ZEB2: variants seen among roughly 807,000 people sequenced by gnomAD.
ZEB2 encodes zinc finger E-box-binding homeobox 2.
In ZEB2, 6 loss-of-function variants were observed where a neutral mutation model predicts 99.9. The ratio of observed to expected loss-of-function variants is 0.06; its 90% confidence interval spans 0.03 to 0.12. The LOEUF (loss-of-function observed/expected upper bound fraction) is 0.12. Among genes scored for constraint, ZEB2 ranks in the 10% least tolerant of loss-of-function variants. ZEB2 has a pLI of 1.00. For synonymous variants in ZEB2, 517 were observed against 542.5 expected (o/e 0.95, Z 0.65); for missense variants, 969 against 1,502.8 (o/e 0.64, Z 5.87).
At chr2:144,465,817 A>G (rs1704263289) in intron 2 of ZEB2, among the ~76,000 whole-genome samples, 1 of 152,232 alleles carries the variant, frequency 6.6e-6, no homozygotes, top group Admixed American at 6.5e-5. Flanking sequence ...TTTAAAAATT[A>G]GTCAAAGTTT....
chr2:144,513,025 G>T (rs6740731), intron 2 of ZEB2: 5 of 1,286,940 alleles, frequency 3.9e-6, no homozygotes, highest in African/African-American at 1.5e-5. Context: ...ACAGTGATCC[G>T]AAGGAAACTT....
chr2:144,416,189 A>T (rs1347901849), intron 4 of ZEB2, among the ~76,000 whole-genome samples: 1 of 152,158 alleles, frequency 6.6e-6, no homozygotes, highest in Admixed American at 6.5e-5. Context: ...TCAGGCCCTG[A>T]AAAGTTTCCT....
intron 2 of ZEB2, among the ~76,000 whole-genome samples, chr2:144,498,558 GA>G (rs765826519): frequency 2.0e-5 from 3 of 152,184 alleles, no homozygotes; most frequent in Non-Finnish European, 4.4e-5. Context: ...AAGAGCTGGT[GA>G]AAGGAGAGGG....
At chr2:144,411,594 C>G (rs1703465675) in intron 4 of ZEB2, among the ~76,000 whole-genome samples, 1 of 152,200 alleles carries the variant, frequency 6.6e-6, no homozygotes, top group African/African-American at 2.4e-5. Context: ...ACATGGGCGG[C>G]CTCGCAGAGC....
At chr2:144,498,079 T>TA (rs1704810917) in intron 2 of ZEB2, among the ~76,000 whole-genome samples, 6 of 95,130 alleles carry the variant, frequency 6.3e-5, no homozygotes, top group African/African-American at 2.6e-4. Context: ...ATATTATATA[T>TA]TATATAATAT....
At chr2:144,485,151 G>C (rs113688320) in intron 2 of ZEB2, among the ~76,000 whole-genome samples, 3 of 152,282 alleles carry the variant, frequency 2.0e-5, no homozygotes, top group African/African-American at 7.2e-5. Context: ...TCAAATCCTG[G>C]TTCTGTCAGT....
At chr2:144,448,665 G>A (rs981389212) in intron 2 of ZEB2, 1 of 152,318 alleles carries the variant, frequency 6.6e-6, no homozygotes, top group Non-Finnish European at 1.5e-5. Context: ...GAGAGGGGGC[G>A]TGGGAATAGT....
intron 9 of ZEB2, among the ~76,000 whole-genome samples, chr2:144,394,638 T>C (rs943572538): frequency 2.6e-5 from 4 of 152,224 alleles, no homozygotes; most frequent in African/African-American, 9.6e-5. Context: ...GTTTCAAACA[T>C]TGAATTATAT....
intron 4 of ZEB2, among the ~76,000 whole-genome samples, chr2:144,415,180 G>T (rs1386435078): frequency 1.3e-5 from 2 of 151,796 alleles, no homozygotes; most frequent in Non-Finnish European, 2.9e-5. Flanking sequence ...TAATATTTAA[G>T]GATTGTATTT....
At chr2:144,514,244 C>T (rs113481322) in intron 2 of ZEB2, 17 of 180,022 alleles carry the variant, frequency 9.4e-5, no homozygotes, top group Non-Finnish European at 1.9e-4. Context: ...TTCTAACTCA[C>T]GTTCTTGACC....
intron 2 of ZEB2, chr2:144,512,417 C>A: frequency 7.8e-7 from 1 of 1,287,228 alleles, no homozygotes; most frequent in Non-Finnish European, 1.0e-6. Context: ...GGTAGACATA[C>A]ATTTTTCCCA....
chr2:144,512,680 C>T lies in ZEB2; in HGVS notation c.73+4598G>A, dbSNP rs1311533036. On this transcript the variant is annotated intron_variant, in intron 2 of 9. Coordinates refer to ENST00000627532, the MANE Select transcript of ZEB2 (RefSeq NM_014795.4). ...CTGGTGGACTGTCACTCTATGGACA[C>T]CAGCAGCCTACTGGCTCTGCTACGA... 3 of 1,287,098 alleles carry T rather than the reference C, an allele frequency of 2.3e-6. No individual in the cohort carries two copies. The East Asian group carries it at 1.7e-4, about 71-fold the overall frequency. The allele number at this position is 1,287,098 out of a possible 1,614,324, so 79.7% of individuals were successfully genotyped here.
chr2:144,509,983 T>A (rs1439275365), intron 2 of ZEB2, among the ~76,000 whole-genome samples: 1 of 151,878 alleles, frequency 6.6e-6, no homozygotes, highest in African/African-American at 2.4e-5. Context: ...TCCTGAAGCA[T>A]CCAGTTTGAG....
chr2:144,394,591 A>AC (rs1703196549), intron 9 of ZEB2: 1 of 152,196 alleles, frequency 6.6e-6, no homozygotes, highest in Non-Finnish European at 1.5e-5. Flanking sequence ...AGCACTTAGT[A>AC]CTAAAGAAAA....
intron 2 of ZEB2, among the ~76,000 whole-genome samples, chr2:144,446,319 A>G (rs1703983297): frequency 6.6e-6 from 1 of 150,690 alleles, no homozygotes; most frequent in African/African-American, 2.4e-5. Flanking sequence ...GTCCTTCCAC[A>G]TCCTTCCTTC....
At chr2:144,500,679 C>T (rs1032624664) in intron 2 of ZEB2, among the ~76,000 whole-genome samples, 1 of 152,134 alleles carries the variant, frequency 6.6e-6, no homozygotes, top group Non-Finnish European at 1.5e-5. Flanking sequence ...AATTCCACCA[C>T]AGTAGAAACC....
intron 2 of ZEB2, chr2:144,507,408 G>A (rs147710088): frequency 7.9e-5 from 12 of 152,318 alleles, no homozygotes; most frequent in Middle Eastern, 3.4e-3. Context: ...GCTCCGTATC[G>A]TCTTCTAGTT....
intron 2 of ZEB2, among the ~76,000 whole-genome samples, chr2:144,502,053 T>C (rs752864205): frequency 1.1e-4 from 16 of 152,184 alleles, no homozygotes; most frequent in Non-Finnish European, 2.4e-4. Flanking sequence ...GGACAATTCA[T>C]CTCAGTCACT....
chr2:144,517,158 C>G lies in ZEB2; in HGVS notation c.73+120G>C, dbSNP rs1468726525. Reference sequence around the variant, plus strand: ...GCGCCGGCCGCGGAGGGAGGCTCGCCCTAGAGCCCTGGGCGCCGCCGCCGC... The same window carrying G: ...GCGCCGGCCGCGGAGGGAGGCTCGCGCTAGAGCCCTGGGCGCCGCCGCCGC... On this transcript the variant is annotated intron_variant, in intron 2 of 9. Transcript: ENST00000627532. 6.0e-6 allele frequency: 8 copies of G among 1,340,580 alleles called. No individual in the cohort carries two copies. The Admixed American group carries it at 9.4e-5, about 16-fold the overall frequency. The allele number at this position is 1,340,580 out of a possible 1,614,324, so 83.0% of individuals were successfully genotyped here.
Sources: allele counts gnomAD v4.1 joint callset (sites outside exome capture counted in the v4.1 genomes callset), GRCh38; gene constraint gnomAD v4.1.1; transcripts MANE v1.5; gene names NCBI Gene and HGNC (gene_info 2026-07-23, HGNC 2026-07-21).